Variants in NRCAM observed in about 807,000 individuals in gnomAD.
NRCAM encodes the protein neuronal cell adhesion molecule, also known as NgCAM-related cell adhesion molecule.
NRCAM carries 83 observed loss-of-function variants against 156.5 expected under a neutral mutation model. The ratio of observed to expected loss-of-function variants is 0.53; its 90% CI spans 0.44 to 0.64. The LOEUF (loss-of-function observed/expected upper bound fraction) is 0.64. NRCAM is among the 30% of genes least tolerant of loss of function. The pLI, the probability that NRCAM is intolerant of heterozygous loss-of-function variation, is 0.00. For missense variants in NRCAM, 1,417 were observed against 1,597.3 expected (o/e 0.89, Z 1.92); for synonymous variants, 538 against 563.9 (o/e 0.95, Z 0.65).
At chr7:108,319,042 C>T (rs903677549) in intron 2 of NRCAM, among the ~76,000 whole-genome samples, 1 of 152,112 alleles carries the variant, frequency 6.6e-6, no homozygotes, top group African/African-American at 2.4e-5. Context: ...ATGATGAAAA[C>T]ATTTTCTAAG....
At chr7:108,346,835 T>G (rs2154282424) in intron 2 of NRCAM, among the ~76,000 whole-genome samples, 1 of 152,208 alleles carries the variant, frequency 6.6e-6, no homozygotes, top group Non-Finnish European at 1.5e-5. Context: ...CATGTTTGGA[T>G]TTTGAAGATT....
chr7:108,188,287 T>G (rs1258147048), intron 20 of NRCAM, among the ~76,000 whole-genome samples: 10 of 152,210 alleles, frequency 6.6e-5, no homozygotes. Context: ...ACGTGAACTC[T>G]GCAGTGGAGC....
chr7:108,191,802 G>A lies in NRCAM; in HGVS notation c.1830C>T (p.Asp610=), dbSNP rs2071811193. 1 of 1,613,908 alleles carries A rather than the reference G, an allele frequency of 6.2e-7. No homozygotes were observed. The highest frequency in any genetic ancestry group is 8.5e-7 in the Non-Finnish European group (1 of 1,179,998). Residue 610 remains aspartate, a synonymous_variant, in exon 18 of 33, where the codon GAC becomes GAT. Transcript: ENST00000379028. ...TGGCCACACACGTGTAGGTCCCGCT[G>A]TCATCGTCACTGACATCAGCTACCA... The part of the protein sequence containing the change: ...HLVVADVSDD[D]SGTYTCVANT...
intron 2 of NRCAM, among the ~76,000 whole-genome samples, chr7:108,349,877 A>G (rs1377336733): frequency 1.3e-5 from 2 of 152,162 alleles, no homozygotes; most frequent in Non-Finnish European, 2.9e-5. Context: ...AAACCCTCTA[A>G]TAGCATCACA....
chr7:108,397,744 T>C (rs897960652), intron 2 of NRCAM, among the ~76,000 whole-genome samples: 1 of 152,230 alleles, frequency 6.6e-6, no homozygotes, highest in African/African-American at 2.4e-5. Flanking sequence ...GCTGTAGCTA[T>C]TGTGAATTAA....
intron 2 of NRCAM, among the ~76,000 whole-genome samples, chr7:108,392,951 C>A (rs2099765380): frequency 6.6e-6 from 1 of 152,146 alleles, no homozygotes; most frequent in Admixed American, 6.5e-5. Context: ...GGGTACCCAG[C>A]CGTGTGGGGT....
chr7:108,293,982 C>A (rs969621173), intron 3 of NRCAM, among the ~76,000 whole-genome samples: 1 of 152,174 alleles, frequency 6.6e-6, no homozygotes, highest in South Asian at 2.1e-4. Context: ...GGAGTTTGCA[C>A]CCTAAATTTC....
At chr7:108,452,878 A>C (rs1178639457) in intron 1 of NRCAM, among the ~76,000 whole-genome samples, 1 of 152,174 alleles carries the variant, frequency 6.6e-6, no homozygotes, top group East Asian at 1.9e-4. Flanking sequence ...TCAGTGCCTC[A>C]GTGGTTACCC....
chr7:108,202,046 A>T lies in NRCAM; in HGVS notation c.1208-3947T>A, dbSNP rs73414332. 5.7e-3 allele frequency among the ~76,000 whole-genome samples: 873 copies of T among 152,308 alleles called. 10 individuals are homozygous for T. The highest frequency in any genetic ancestry group is 0.02 in the African/African-American group (838 of 41,562). ...CCTTTGGATGGGCTGGCTAGTGGGT[A>T]GAGTAACTCTCTAGCATGCAAATCC... On this transcript the variant is annotated intron_variant, in intron 13 of 32. Transcript: ENST00000379028.
At chr7:108,168,165 T>C in intron 29 of NRCAM, 112 bp downstream of exon 29, 1 of 1,128,160 alleles carries the variant, frequency 8.9e-7, no homozygotes, top group Non-Finnish European at 1.2e-6. Flanking sequence ...ATTCATTTAA[T>C]TGGATCAAGT....
chr7:108,376,864 A>C (rs1043974738), intron 2 of NRCAM, among the ~76,000 whole-genome samples: 1 of 152,200 alleles, frequency 6.6e-6, no homozygotes, highest in South Asian at 2.1e-4. Context: ...AGTTAATAGA[A>C]TAACTTTGAG....
intron 30 of NRCAM, among the ~76,000 whole-genome samples, chr7:108,164,898 T>C (rs924815634): frequency 1.3e-5 from 2 of 152,210 alleles, no homozygotes; most frequent in Non-Finnish European, 2.9e-5. Flanking sequence ...TATCTGGCAG[T>C]TGCTGCTGGA....
intron 2 of NRCAM, among the ~76,000 whole-genome samples, chr7:108,396,140 G>T (rs1485740319): frequency 2.6e-5 from 4 of 152,152 alleles, no homozygotes; most frequent in Admixed American, 2.6e-4. Context: ...TGTCTATCAT[G>T]CAGCGAATAT....
intron 1 of NRCAM, among the ~76,000 whole-genome samples, chr7:108,416,808 T>C (rs1188008892): frequency 6.6e-6 from 1 of 152,176 alleles, no homozygotes; most frequent in African/African-American, 2.4e-5. Flanking sequence ...ACTATTGCCA[T>C]TCATAATTAA....
chr7:108,156,333 T>C, intron 32 of NRCAM: 5 of 984,794 alleles, frequency 5.1e-6, no homozygotes, highest in Non-Finnish European at 6.0e-6. Context: ...GTTTATGACC[T>C]AGGTTTATTC....
intron 1 of NRCAM, among the ~76,000 whole-genome samples, chr7:108,419,823 G>C (rs908070585): frequency 1.3e-5 from 2 of 152,162 alleles, no homozygotes; most frequent in Non-Finnish European, 2.9e-5. Flanking sequence ...CTTGAGAACA[G>C]GTTTTGATGT....
intron 9 of NRCAM, 25 bp from the exon 10 acceptor site, chr7:108,225,726 G>C: frequency 1.3e-6 from 2 of 1,501,706 alleles, no homozygotes; most frequent in African/African-American, 1.4e-5. Context: ...ATATTATGAA[G>C]AGGGCATAAA....
chr7:108,232,634 T>C (rs891317477), intron 6 of NRCAM, 112 bp from the exon 7 acceptor site: 6 of 708,512 alleles, frequency 8.5e-6, no homozygotes, highest in Non-Finnish European at 1.1e-5. Context: ...GATTTTAATA[T>C]TCAGTAAGAG....
At chr7:108,247,304 A>G (rs1408921112) in intron 3 of NRCAM, among the ~76,000 whole-genome samples, 2 of 152,236 alleles carry the variant, frequency 1.3e-5, no homozygotes, top group Non-Finnish European at 2.9e-5. Context: ...AACCAGAAAC[A>G]TACTAACATG....
Sources: allele counts gnomAD v4.1 joint callset (sites outside exome capture counted in the v4.1 genomes callset), GRCh38; gene constraint gnomAD v4.1.1; transcripts MANE v1.5; gene names NCBI Gene and HGNC (gene_info 2026-07-23, HGNC 2026-07-21).